The following FOXP1 variants were observed in gnomAD, a reference collection of about 807,000 sequenced individuals.
The protein encoded by FOXP1 is forkhead box P1.
A neutral mutation model predicts 98.2 loss-of-function variants in FOXP1; 15 were observed. The observed-to-expected ratio is 0.15, with a 90% CI of 0.10 to 0.24. The LOEUF (loss-of-function observed/expected upper bound fraction) is 0.24. FOXP1 is among the 10% of genes least tolerant of loss of function. The pLI is 1.00. For synonymous variants in FOXP1, 371 were observed against 314.5 expected, an observed-to-expected ratio of 1.18 and a Z score of -1.90; for missense variants, 633 against 848.5, an observed-to-expected ratio of 0.75 and a Z score of 3.15.
chr3:71,068,499 G>C lies in FOXP1; in HGVS notation c.283-14726C>G, dbSNP rs565724169. ...TGGTCCCTGGCCCACGTGGTCCTCAGTTCCAACGAAAGGCCTGCTTTGCCA... is the reference window on the plus strand; with the variant it reads ...TGGTCCCTGGCCCACGTGGTCCTCACTTCCAACGAAAGGCCTGCTTTGCCA... On this transcript the variant is annotated intron_variant, in intron 7 of 20. Transcript: ENST00000649528. Among the ~76,000 whole-genome samples, 4 of 152,292 alleles carry C rather than the reference G, an allele frequency of 2.6e-5. No individual in the cohort carries two copies. In the East Asian group the frequency reaches 7.7e-4, roughly 29 times the overall value.
intron 18 of FOXP1, 136 bp downstream of exon 18, chr3:70,972,419 G>C: frequency 7.8e-7 from 1 of 1,289,624 alleles, no homozygotes; most frequent in Non-Finnish European, 1.1e-6. Context: ...GGGATGAAAT[G>C]CTTTTTTGCT....
chr3:71,483,407 G>A (rs917730137), intron 3 of FOXP1, among the ~76,000 whole-genome samples: 3 of 152,152 alleles, frequency 2.0e-5, no homozygotes, highest in African/African-American at 7.2e-5. Flanking sequence ...CGGGAACAAA[G>A]GGCCGGTCCT....
At chr3:71,539,031 A>G (rs1368325183) in intron 2 of FOXP1, among the ~76,000 whole-genome samples, 1 of 151,678 alleles carries the variant, frequency 6.6e-6, no homozygotes, top group East Asian at 1.9e-4. Flanking sequence ...ATTGATCTGT[A>G]TCTCCATACT....
chr3:71,017,445 A>G (rs930782439), intron 11 of FOXP1, among the ~76,000 whole-genome samples: 3 of 151,878 alleles, frequency 2.0e-5, no homozygotes, highest in Non-Finnish European at 4.4e-5. Flanking sequence ...ATTAAGATTT[A>G]ACTATTCTTA....
chr3:70,978,160 A>G, intron 14 of FOXP1, 131 bp from the exon 15 acceptor site: 4 of 748,584 alleles, frequency 5.3e-6, no homozygotes, highest in Non-Finnish European at 7.0e-6. Flanking sequence ...TATGTTTACC[A>G]TGAACCGAAA....
chr3:71,354,382 A>G (rs140491659), intron 4 of FOXP1, among the ~76,000 whole-genome samples: 2 of 152,264 alleles, frequency 1.3e-5, no homozygotes, highest in Non-Finnish European at 2.9e-5. Flanking sequence ...AAGGCAAAAC[A>G]TATCCCCAGC....
At chr3:71,334,717 A>C (rs1049871545) in intron 4 of FOXP1, 6 of 152,232 alleles carry the variant, frequency 3.9e-5, no homozygotes, top group African/African-American at 1.4e-4. Flanking sequence ...TTAAGTATAA[A>C]GAACACAGCA....
chr3:71,059,360 T>C (rs2051151169), intron 7 of FOXP1, among the ~76,000 whole-genome samples: 1 of 152,148 alleles, frequency 6.6e-6, no homozygotes, highest in African/African-American at 2.4e-5. Context: ...AGCAGAGGTA[T>C]TAGTGGAACA....
At chr3:71,447,054 C>A (rs897470952) in intron 3 of FOXP1, among the ~76,000 whole-genome samples, 7 of 152,212 alleles carry the variant, frequency 4.6e-5, no homozygotes, top group Non-Finnish European at 1.0e-4. Context: ...GCACTTGACC[C>A]CAGCATGGGA....
At chr3:71,280,015 C>T (rs1490992436) in intron 5 of FOXP1, among the ~76,000 whole-genome samples, 4 of 150,298 alleles carry the variant, frequency 2.7e-5, no homozygotes, top group African/African-American at 7.3e-5. Context: ...CCCAGCTACT[C>T]GGGAGGCTGA....
intron 5 of FOXP1, among the ~76,000 whole-genome samples, chr3:71,202,179 G>C (rs1216580200): frequency 2.0e-5 from 3 of 152,194 alleles, no homozygotes; most frequent in African/African-American, 4.8e-5. Flanking sequence ...AGTTTTGCAG[G>C]CATCAAGCCA....
chr3:71,377,268 G>A (rs831070), intron 3 of FOXP1, among the ~76,000 whole-genome samples: 41,991 of 152,070 alleles, frequency 0.28, 7,700 homozygotes, highest in East Asian at 0.76. Flanking sequence ...TGTTTAAAGC[G>A]CTGTTTACTC....
At chr3:71,158,401 GT>G (rs11357757) in intron 6 of FOXP1, among the ~76,000 whole-genome samples, 57,806 of 151,644 alleles carry the variant, frequency 0.38, 12,159 homozygotes, top group East Asian at 0.68. Context: ...GGAAAGACAA[GT>G]TGCAGACAAA....
At chr3:71,251,837 T>C (rs2068214169) in intron 5 of FOXP1, among the ~76,000 whole-genome samples, 2 of 152,238 alleles carry the variant, frequency 1.3e-5, no homozygotes, top group African/African-American at 4.8e-5. Context: ...ACGTAGACTT[T>C]AGGTTAACCT....
At position 71,263,322 on chromosome 3, in the gene FOXP1, C is replaced by G. The variant is rs188236811; in HGVS notation, c.-12+36498G>C. Among the ~76,000 whole-genome samples, 5 of 152,266 alleles carry G rather than the reference C, an allele frequency of 3.3e-5. No individual in the cohort carries two copies. In the South Asian group the frequency reaches 6.2e-4, roughly 19 times the overall value. On this transcript the variant is annotated intron_variant, in intron 5 of 20. Coordinates refer to ENST00000649528, the MANE Select transcript of FOXP1 (RefSeq NM_001349338.3). ...ACAAAACCGAGCCTGTGCAACACCA[C>G]GAAAGCCAGGAATACCAGTGGCTGC... is the stretch of plus-strand genomic sequence containing the variant.
intron 2 of FOXP1, among the ~76,000 whole-genome samples, chr3:71,557,231 A>G (rs1245625941): frequency 6.6e-6 from 1 of 152,200 alleles, no homozygotes; most frequent in Non-Finnish European, 1.5e-5. Flanking sequence ...CTAGCTTGCT[A>G]CACGGATGAG....
chr3:70,960,344 G>A (rs2033059120), intron 20 of FOXP1, among the ~76,000 whole-genome samples: 1 of 152,148 alleles, frequency 6.6e-6, no homozygotes, highest in African/African-American at 2.4e-5. Context: ...AGGCCCGGCT[G>A]GTAGCAGCCA....
intron 2 of FOXP1, among the ~76,000 whole-genome samples, chr3:71,522,042 C>T (rs947923030): frequency 3.9e-5 from 6 of 152,108 alleles, no homozygotes; most frequent in African/African-American, 1.4e-4. Flanking sequence ...GTTACTATTA[C>T]AAAGGGTAGA....
At chr3:71,140,573 A>C (rs1385070113) in intron 6 of FOXP1, among the ~76,000 whole-genome samples, 1 of 152,172 alleles carries the variant, frequency 6.6e-6, no homozygotes, top group East Asian at 1.9e-4. Flanking sequence ...TATCAATCTC[A>C]CTTTATGTCA....
Sources: gnomAD v4.1 joint callset for allele counts (sites outside exome capture counted in the v4.1 genomes callset) on GRCh38, gnomAD v4.1.1 for gene constraint, MANE v1.5 for transcripts, NCBI Gene and HGNC (gene_info 2026-07-23, HGNC 2026-07-21) for gene names.